Variants in EIPR1 observed in about 807,000 individuals in gnomAD.
EIPR1 encodes EARP and GARP complex-interacting protein 1.
Under a neutral mutation model 48.1 loss-of-function variants are expected in EIPR1, and 25 were observed. The ratio of observed to expected loss-of-function variants is 0.52; its 90% CI spans 0.38 to 0.73. The LOEUF is 0.73. EIPR1 is among the 30% of genes least tolerant of loss of function. The probability of loss-of-function intolerance (pLI) is 0.00; values close to 1 mark genes in which losing one functional copy is unlikely to be tolerated. For synonymous variants in EIPR1, 204 were observed against 201.9 expected (o/e 1.01, Z -0.09); for missense variants, 415 against 506.2 (o/e 0.82, Z 1.73).
At chr2:3,285,756 G>A (rs897658987) in intron 3 of EIPR1, among the ~76,000 whole-genome samples, 1 of 27,822 alleles carries the variant, frequency 3.6e-5, no homozygotes, top group African/African-American at 1.8e-4. Flanking sequence ...CCCTCGCACG[G>A]AGCAGAAGTC....
chr2:3,211,213 G>A (rs1203110681), intron 5 of EIPR1, among the ~76,000 whole-genome samples: 1 of 152,160 alleles, frequency 6.6e-6, no homozygotes, highest in Non-Finnish European at 1.5e-5. Context: ...CAGTGAACAG[G>A]AGGGTCGCTG....
At chr2:3,356,425 G>A (rs1280087484) in intron 1 of EIPR1, among the ~76,000 whole-genome samples, 1 of 152,198 alleles carries the variant, frequency 6.6e-6, no homozygotes, top group Non-Finnish European at 1.5e-5. Flanking sequence ...AAGATCTCAG[G>A]TGATGAATCT....
intron 3 of EIPR1, among the ~76,000 whole-genome samples, chr2:3,271,182 T>C (rs1667691956): frequency 6.6e-6 from 1 of 152,220 alleles, no homozygotes; most frequent in Non-Finnish European, 1.5e-5. Flanking sequence ...CTCTTGCTAT[T>C]TCTACCACAA....
At chr2:3,302,113 A>T (rs1025216392) in intron 3 of EIPR1, among the ~76,000 whole-genome samples, 1 of 152,180 alleles carries the variant, frequency 6.6e-6, no homozygotes. Flanking sequence ...CTGTGTATAG[A>T]ATACTCCCTC....
chr2:3,293,556 G>A (rs1204073382), intron 3 of EIPR1, among the ~76,000 whole-genome samples: 3 of 152,200 alleles, frequency 2.0e-5, no homozygotes, highest in African/African-American at 7.2e-5. Context: ...GGGCCCATCA[G>A]CCACGACTGG....
At position 3,189,580 on chromosome 2, in the gene EIPR1, G is replaced by A. The variant is rs1184154959; in HGVS notation, c.990-72C>T. ...CGGGCAGGAGAGGGGCAGGGAGGACGCGAGCGCTGACATCGGGAGACACGG... is the reference window on the plus strand; with the variant it reads ...CGGGCAGGAGAGGGGCAGGGAGGACACGAGCGCTGACATCGGGAGACACGG... On this transcript the variant is annotated intron_variant, in intron 8 of 8. Coordinates refer to ENST00000382125, the MANE Select transcript of EIPR1 (RefSeq NM_003310.5). The surrounding 1 kb of genome is among the most constrained non-coding windows in gnomAD (Gnocchi z 4.6). 48 of 1,400,660 alleles carry A rather than the reference G, an allele frequency of 3.4e-5. No homozygotes were observed. The highest frequency in any genetic ancestry group is 5.7e-5 in the African/African-American group (4 of 70,072). The allele number at this position is 1,400,660 out of a possible 1,614,324, so 86.8% of individuals were successfully genotyped here. A position where few individuals can be genotyped will look rare whatever the true frequency, so the allele number is the denominator to read the frequency against.
At chr2:3,376,004 G>A (rs1659864025) in intron 1 of EIPR1, among the ~76,000 whole-genome samples, 1 of 152,176 alleles carries the variant, frequency 6.6e-6, no homozygotes, top group Non-Finnish European at 1.5e-5. Flanking sequence ...GCAGGGTGCG[G>A]TGGCTCATGA....
At chr2:3,295,994 C>A (rs1357659973) in intron 3 of EIPR1, among the ~76,000 whole-genome samples, 2 of 125,912 alleles carry the variant, frequency 1.6e-5, no homozygotes, top group Admixed American at 1.6e-4. Flanking sequence ...CTCCATCCAG[C>A]CCATCCTCTC....
intron 4 of EIPR1, among the ~76,000 whole-genome samples, chr2:3,237,796 G>A (rs1291684229): frequency 6.6e-6 from 1 of 152,184 alleles, no homozygotes; most frequent in African/African-American, 2.4e-5. Context: ...GAGAATAGCA[G>A]TAAACTGACA....
chr2:3,346,291 T>G (rs941218228), intron 2 of EIPR1, among the ~76,000 whole-genome samples: 11 of 152,258 alleles, frequency 7.2e-5, no homozygotes, highest in Non-Finnish European at 1.6e-4. Flanking sequence ...TGATGGAATT[T>G]GCAGCAAAAT....
intron 2 of EIPR1, among the ~76,000 whole-genome samples, chr2:3,343,266 GT>G (rs139775364): frequency 5.0e-4 from 76 of 152,350 alleles, no homozygotes; most frequent in Middle Eastern, 3.4e-3. Context: ...TCAACTCTCT[GT>G]TCTCAGGGCA....
intron 1 of EIPR1, among the ~76,000 whole-genome samples, chr2:3,361,217 C>G (rs887645649): frequency 3.9e-5 from 6 of 152,152 alleles, no homozygotes; most frequent in African/African-American, 9.7e-5. Context: ...AGCCTTTCCA[C>G]GTAGCTAAGG....
At chr2:3,228,064 T>C (rs1304954633) in intron 4 of EIPR1, among the ~76,000 whole-genome samples, 1 of 152,228 alleles carries the variant, frequency 6.6e-6, no homozygotes, top group Admixed American at 6.5e-5. Context: ...CTAGTGAAGC[T>C]GTGAGAAGAG....
At chr2:3,362,508 T>C (rs1670874472) in intron 1 of EIPR1, among the ~76,000 whole-genome samples, 1 of 152,138 alleles carries the variant, frequency 6.6e-6, no homozygotes. Flanking sequence ...CTTTATCAAG[T>C]CAAATCTGGA....
intron 2 of EIPR1, among the ~76,000 whole-genome samples, chr2:3,339,709 G>A (rs1324784595): frequency 6.6e-6 from 1 of 152,188 alleles, no homozygotes; most frequent in Non-Finnish European, 1.5e-5. Flanking sequence ...AGCACTTTGG[G>A]AGGCCGAGGC....
At chr2:3,266,271 A>T (rs2103234202) in intron 3 of EIPR1, among the ~76,000 whole-genome samples, 1 of 152,308 alleles carries the variant, frequency 6.6e-6, no homozygotes, top group East Asian at 1.9e-4. Context: ...CATAAGCAGT[A>T]CCTTAAGATG....
intron 4 of EIPR1, among the ~76,000 whole-genome samples, chr2:3,248,492 G>C (rs1333819689): frequency 1.3e-5 from 2 of 152,210 alleles, no homozygotes; most frequent in Admixed American, 6.5e-5. Context: ...TACCCAGGAG[G>C]CTGAGGCAGG....
intron 1 of EIPR1, among the ~76,000 whole-genome samples, chr2:3,371,041 C>T (rs1207001116): frequency 2.3e-4 from 35 of 152,266 alleles, no homozygotes; most frequent in South Asian, 8.3e-4. Flanking sequence ...GCGGATCTCT[C>T]GGCAGAAACT....
At chr2:3,211,676 C>T (rs953916719) in intron 5 of EIPR1, among the ~76,000 whole-genome samples, 1 of 152,214 alleles carries the variant, frequency 6.6e-6, no homozygotes, top group African/African-American at 2.4e-5. Flanking sequence ...GTGTGTGTCA[C>T]GCCAAGCAGA....
Sources: allele counts gnomAD v4.1 joint callset (sites outside exome capture counted in the v4.1 genomes callset), GRCh38; gene constraint gnomAD v4.1.1; non-coding constraint Gnocchi (gnomAD v3.1); transcripts MANE v1.5; gene names NCBI Gene and HGNC (gene_info 2026-07-23, HGNC 2026-07-21).